ACYP2: variants seen among roughly 807,000 people sequenced by gnomAD.
ACYP2 encodes acylphosphatase-2.
ACYP2 carries 12 observed loss-of-function variants against 11.2 expected under a neutral mutation model. The ratio of observed to expected loss-of-function variants is 1.08; its 90% CI spans 0.69 to 1.74. The LOEUF is 1.74. Ranked by LOEUF, ACYP2 falls within the 40% of genes most tolerant of loss-of-function variation. ACYP2 has a pLI of 0.00. For missense variants in ACYP2, 134 were observed against 101.9 expected, an observed-to-expected ratio of 1.31 and a Z score of -1.35; for synonymous variants, 43 against 32.2, an observed-to-expected ratio of 1.33 and a Z score of -1.13.
chr2:54,289,628 A>G (rs978678609), intron 6 of ACYP2, among the ~76,000 whole-genome samples: 3 of 152,026 alleles, frequency 2.0e-5, no homozygotes, highest in African/African-American at 7.3e-5. Context: ...AGCATTTAAC[A>G]CATTTGTGCC....
chr2:54,110,447 TGTCTTGTTCAA>T (rs1356813741), intron 4 of ACYP2, among the ~76,000 whole-genome samples: 1 of 152,206 alleles, frequency 6.6e-6, no homozygotes, highest in African/African-American at 2.4e-5. Context: ...GTCTAAAAAA[TGTCTTGTTCAA>T]GTTTACGTAC....
At chr2:54,110,187 T>G (rs986781717) in intron 4 of ACYP2, among the ~76,000 whole-genome samples, 1 of 152,230 alleles carries the variant, frequency 6.6e-6, no homozygotes, top group African/African-American at 2.4e-5. Flanking sequence ...AATCCCCATC[T>G]ACCCAAGACC....
intron 2 of ACYP2, among the ~76,000 whole-genome samples, chr2:54,032,489 C>T (rs1223358480): frequency 6.6e-6 from 1 of 152,150 alleles, no homozygotes; most frequent in East Asian, 1.9e-4. Context: ...GTCTATATCT[C>T]TGTTTTGGTA....
At chr2:53,980,603 A>G (rs1193446771) in intron 2 of ACYP2, among the ~76,000 whole-genome samples, 1 of 152,114 alleles carries the variant, frequency 6.6e-6, no homozygotes, top group Non-Finnish European at 1.5e-5. Context: ...AGTGTAGCCT[A>G]AGCATACAGT....
chr2:54,050,788 T>A (rs1274362795), intron 2 of ACYP2, among the ~76,000 whole-genome samples: 1 of 152,144 alleles, frequency 6.6e-6, no homozygotes, highest in East Asian at 1.9e-4. Flanking sequence ...TATTTATTTA[T>A]TTTTGAGGCA....
At chr2:54,202,959 C>G (rs1684919053) in intron 6 of ACYP2, among the ~76,000 whole-genome samples, 1 of 151,756 alleles carries the variant, frequency 6.6e-6, no homozygotes, top group Admixed American at 6.6e-5. Context: ...TGTTGCCTTG[C>G]AAATCCATAT....
intron 4 of ACYP2, among the ~76,000 whole-genome samples, chr2:54,058,981 G>A (rs1676319374): frequency 6.6e-6 from 1 of 152,098 alleles, no homozygotes; most frequent in Non-Finnish European, 1.5e-5. Flanking sequence ...GTCACGGAGG[G>A]GTTTGGAAAG....
intron 2 of ACYP2, among the ~76,000 whole-genome samples, chr2:54,012,830 G>A (rs113155799): frequency 2.0e-5 from 3 of 152,058 alleles, no homozygotes; most frequent in South Asian, 2.1e-4. Flanking sequence ...CACTCTTGGC[G>A]CTGGAGTGGC....
At chr2:53,978,923 A>G (rs1671619922) in intron 2 of ACYP2, among the ~76,000 whole-genome samples, 1 of 152,152 alleles carries the variant, frequency 6.6e-6, no homozygotes, top group Non-Finnish European at 1.5e-5. Flanking sequence ...ACCTCATCTC[A>G]AACTTAAAAA....
intron 6 of ACYP2, among the ~76,000 whole-genome samples, chr2:54,147,860 T>G (rs1322192520): frequency 6.6e-6 from 1 of 152,138 alleles, no homozygotes; most frequent in Non-Finnish European, 1.5e-5. Context: ...TTGAAACCTC[T>G]TGTTTAGGTT....
chr2:54,171,330 C>T (rs979542388), intron 6 of ACYP2, among the ~76,000 whole-genome samples: 37 of 152,218 alleles, frequency 2.4e-4, no homozygotes, highest in African/African-American at 8.2e-4. Flanking sequence ...CTGAAGATAG[C>T]GAATGGAATA....
chr2:54,017,408 C>A (rs1008797831), intron 2 of ACYP2, among the ~76,000 whole-genome samples: 1 of 151,754 alleles, frequency 6.6e-6, no homozygotes, highest in African/African-American at 2.4e-5. Context: ...GTGTGAACCA[C>A]CACGCCTGGC....
intron 6 of ACYP2, among the ~76,000 whole-genome samples, chr2:54,218,600 C>T (rs1685656270): frequency 6.6e-6 from 1 of 152,008 alleles, no homozygotes; most frequent in Non-Finnish European, 1.5e-5. Context: ...GGTGGAAATC[C>T]AATTAAAGTA....
At chr2:54,267,608 G>A (rs1280436580) in intron 6 of ACYP2, among the ~76,000 whole-genome samples, 1 of 152,160 alleles carries the variant, frequency 6.6e-6, no homozygotes, top group Admixed American at 6.5e-5. Flanking sequence ...GATCATTCTG[G>A]AAAATGAGAC....
At chr2:54,075,912 A>G (rs1036505922) in intron 4 of ACYP2, among the ~76,000 whole-genome samples, 8 of 151,988 alleles carry the variant, frequency 5.3e-5, no homozygotes, top group East Asian at 1.9e-4. Context: ...AAAATATGTC[A>G]CTCATATTGA....
At chr2:54,178,094 C>G (rs1683545277) in intron 6 of ACYP2, among the ~76,000 whole-genome samples, 1 of 151,802 alleles carries the variant, frequency 6.6e-6, no homozygotes, top group Non-Finnish European at 1.5e-5. Context: ...TTGCTAGAGA[C>G]ATGGTTTCAT....
intron 6 of ACYP2, among the ~76,000 whole-genome samples, chr2:54,156,691 A>T (rs1682448684): frequency 6.6e-6 from 1 of 152,112 alleles, no homozygotes; most frequent in Admixed American, 6.6e-5. Context: ...TTTGAGATGG[A>T]ATCTTGCTCT....
intron 6 of ACYP2, among the ~76,000 whole-genome samples, chr2:54,155,081 GTTGT>G: frequency 6.6e-6 from 1 of 152,228 alleles, no homozygotes; most frequent in Middle Eastern, 3.4e-3. Flanking sequence ...TTGGCATATG[GTTGT>G]TTGTTCGTAC....
At chr2:54,217,758 A>T (rs1220983807) in intron 6 of ACYP2, among the ~76,000 whole-genome samples, 4 of 152,218 alleles carry the variant, frequency 2.6e-5, no homozygotes, top group Non-Finnish European at 5.9e-5. Context: ...GGTTAAAAAA[A>T]AGTAAGAGTA....
Sources: gnomAD v4.1 joint callset for allele counts (sites outside exome capture counted in the v4.1 genomes callset) on GRCh38, gnomAD v4.1.1 for gene constraint, MANE v1.5 for transcripts, NCBI Gene and HGNC (gene_info 2026-07-23, HGNC 2026-07-21) for gene names.